Variants in NLGN4X observed in about 807,000 individuals in gnomAD.
NLGN4X encodes neuroligin-4, X-linked.
NLGN4X carries 3 observed loss-of-function variants against 40.3 expected under a neutral mutation model. That is an observed-to-expected ratio of 0.07 (90% CI 0.03 to 0.19). The LOEUF is 0.19. Ranked by LOEUF, NLGN4X falls within the 10% of genes least tolerant of loss-of-function variation. The pLI is 1.00. For synonymous variants in NLGN4X, 270 were observed against 306.8 expected, an observed-to-expected ratio of 0.88 and a Z score of 1.25; for missense variants, 382 against 708.3, an observed-to-expected ratio of 0.54 and a Z score of 5.23.
chrX:6,227,155 G>C (rs1247267533), intron 1 of NLGN4X: 3 of 112,289 alleles, frequency 2.7e-5, no homozygotes, highest in African/African-American at 9.8e-5. Context: ...GGGAAGAGAC[G>C]AGATGAAATC....
intron 1 of NLGN4X, among the ~76,000 whole-genome samples, chrX:6,154,983 T>G (rs1222112288): frequency 8.9e-6 from 1 of 111,938 alleles, no homozygotes; most frequent in Non-Finnish European, 1.9e-5. Flanking sequence ...GAGATTGGTT[T>G]AATTTTAAGA....
intron 3 of NLGN4X, among the ~76,000 whole-genome samples, chrX:5,973,307 G>A (rs1462221680): frequency 8.9e-6 from 1 of 112,560 alleles, no homozygotes; most frequent in Non-Finnish European, 1.9e-5. Context: ...TGCAAGGGCA[G>A]ATTTGAGTAG....
At chrX:6,116,087 A>G (rs2039273398) in intron 2 of NLGN4X, among the ~76,000 whole-genome samples, 1 of 108,047 alleles carries the variant, frequency 9.3e-6, no homozygotes, top group Non-Finnish European at 1.9e-5. Context: ...AGGTCAGGAG[A>G]TGGAGACCAT....
intron 1 of NLGN4X, among the ~76,000 whole-genome samples, chrX:6,219,545 TTTCTTTCTTTC>T (rs748358865): frequency 0.026 from 523 of 19,795 alleles, 4 homozygotes; most frequent in African/African-American, 0.19. Context: ...CCTTTTCTCT[TTTCTTTCTTTC>T]TTTCTTTCTT....
intron 3 of NLGN4X, among the ~76,000 whole-genome samples, chrX:5,942,138 C>T (rs1294706934): frequency 9.1e-6 from 1 of 110,117 alleles, no homozygotes; most frequent in Non-Finnish European, 1.9e-5. Context: ...CACCTGTAGT[C>T]CCAGCTACTC....
intron 3 of NLGN4X, among the ~76,000 whole-genome samples, chrX:5,980,690 G>C (rs141108335): frequency 0.02 from 2,179 of 108,281 alleles, 62 homozygotes; most frequent in African/African-American, 0.068. Context: ...GAATCTCCTT[G>C]GAAAATTCAT....
In NLGN4X at chrX:6,038,099, G is replaced by A. The variant is rs139444799; in HGVS notation, c.473-8667C>T. The stretch of plus-strand genomic sequence containing the variant: ...AACATCAGAGACAGACATGCACACA[G>A]ATCATTCCAACGGGGCAGGAAAATG... On this transcript the variant is annotated intron_variant, in intron 2 of 5. Coordinates refer to ENST00000381095, the MANE Select transcript of NLGN4X (RefSeq NM_181332.3). Among the ~76,000 whole-genome samples the A allele has an allele frequency of 2.2e-3, 244 of 112,321 alleles. 3 individuals carry two copies. The highest frequency in any genetic ancestry group is 7.5e-3 in the African/African-American group (234 of 30,998).
intron 3 of NLGN4X, among the ~76,000 whole-genome samples, chrX:5,958,996 A>G (rs771794654): frequency 8.9e-6 from 1 of 112,001 alleles, no homozygotes; most frequent in Admixed American, 9.5e-5. Context: ...AAAGAAGGAG[A>G]CCAGTGATAG....
chrX:6,007,415 C>T (rs1008141140), intron 3 of NLGN4X, among the ~76,000 whole-genome samples: 8 of 111,600 alleles, frequency 7.2e-5, no homozygotes, highest in African/African-American at 2.3e-4. Flanking sequence ...AAAGCCCCGA[C>T]ATCACCACTA....
At chrX:5,932,446 T>C (rs1007799167) in intron 3 of NLGN4X, among the ~76,000 whole-genome samples, 1 of 110,625 alleles carries the variant, frequency 9.0e-6, no homozygotes, top group African/African-American at 3.3e-5. Flanking sequence ...AAACGCTCTC[T>C]CTCAACAGAA....
chrX:5,894,046 C>T (rs1201873233), intron 5 of NLGN4X, among the ~76,000 whole-genome samples: 1 of 112,121 alleles, frequency 8.9e-6, no homozygotes, highest in Admixed American at 9.4e-5. Flanking sequence ...TAAAACTCAT[C>T]CAGGACTGAT....
At chrX:6,150,950 A>C in intron 2 of NLGN4X, 45 bp downstream of exon 2, 1 of 1,055,134 alleles carries the variant, frequency 9.5e-7, no homozygotes, top group Non-Finnish European at 1.3e-6. Context: ...ATCTCTCTAC[A>C]CACTGCACAA....
chrX:6,072,628 C>T (rs1185208625), intron 2 of NLGN4X, among the ~76,000 whole-genome samples: 1 of 111,753 alleles, frequency 8.9e-6, no homozygotes, highest in African/African-American at 3.3e-5. Context: ...ACCTACTCAG[C>T]ATCTGTCATA....
chrX:6,116,223 G>A (rs1823081076), intron 2 of NLGN4X, among the ~76,000 whole-genome samples: 1 of 88,325 alleles, frequency 1.1e-5, no homozygotes, highest in African/African-American at 4.3e-5. Flanking sequence ...AACCCGGGAG[G>A]CAGAGTTTGC....
intron 4 of NLGN4X, 115 bp from the exon 5 acceptor site, chrX:5,903,981 T>A: frequency 1.1e-6 from 1 of 937,512 alleles, no homozygotes. Context: ...CTGGATGTAG[T>A]AGCATTCAGC....
rs1428117047 is a variant in NLGN4X at position 6,120,538 on chromosome X, C to A, written c.472+30457G>T. Among the ~76,000 whole-genome samples, 7 of 111,549 alleles carry A rather than the reference C, an allele frequency of 6.3e-5. No homozygotes were observed. In the Admixed American group the frequency reaches 6.7e-4, roughly 11 times the overall value. ...ATTATCTCAGTAATCCTCACAACAG[C>A]CCCGTTGAGGTAGGTGTTATTCTTA... On this transcript the variant is annotated intron_variant, in intron 2 of 5. Coordinates refer to ENST00000381095, the MANE Select transcript of NLGN4X (RefSeq NM_181332.3).
intron 3 of NLGN4X, among the ~76,000 whole-genome samples, chrX:5,999,111 T>C (rs193279001): frequency 2.7e-5 from 3 of 111,623 alleles, no homozygotes; most frequent in Admixed American, 9.5e-5. Context: ...AAAACCCCAG[T>C]TGCCACCAAG....
chrX:6,021,743 G>GTTT (rs1288731897), intron 3 of NLGN4X, among the ~76,000 whole-genome samples: 1,317 of 102,262 alleles, frequency 0.013, 29 homozygotes, highest in African/African-American at 0.046. Context: ...TTTTTTGTTT[G>GTTT]TTTTTTTTTT....
At chrX:5,977,241 G>A (rs1256785527) in intron 3 of NLGN4X, among the ~76,000 whole-genome samples, 1 of 111,628 alleles carries the variant, frequency 9.0e-6, no homozygotes, top group Non-Finnish European at 1.9e-5. Flanking sequence ...TTAGAGACCA[G>A]GTCTTGCTCT....
Sources: allele counts gnomAD v4.1 joint callset (sites outside exome capture counted in the v4.1 genomes callset), GRCh38; gene constraint gnomAD v4.1.1; transcripts MANE v1.5; gene names NCBI Gene and HGNC (gene_info 2026-07-23, HGNC 2026-07-21).